MRPL52: variants seen among roughly 807,000 people sequenced by gnomAD.
The protein encoded by MRPL52 is mitochondrial ribosomal protein L52.
A neutral mutation model predicts 22.1 loss-of-function variants in MRPL52; 19 were observed. The observed-to-expected ratio is 0.86, with a 90% CI of 0.60 to 1.26. MRPL52 has a LOEUF of 1.26. Among genes scored for constraint, MRPL52 ranks in the 50% most tolerant of loss-of-function variants. The pLI, the probability that MRPL52 is intolerant of heterozygous loss-of-function variation, is 0.00. For missense variants in MRPL52, 152 were observed against 148.1 expected, an observed-to-expected ratio of 1.03 and a Z score of -0.14; for synonymous variants, 50 against 57.5, an observed-to-expected ratio of 0.87 and a Z score of 0.59.
rs1337231196 is a variant in MRPL52 at position 22,830,189 on chromosome 14, A to G, written c.89A>G (p.Gln30Arg). ...CAGATCTGTTTTTCTCCACACAGGCAGGGACTGGCTGCCAACCCCTCCGGC... is the reference window on the plus strand; with the variant it reads ...CAGATCTGTTTTTCTCCACACAGGCGGGGACTGGCTGCCAACCCCTCCGGC... ...AWAGGQWRLQ[Q>R]GLAANPSGYG... The change falls in exon 3 of 5, where the codon CAG becomes CGG. Residue 30 changes from glutamine to arginine, a missense_variant and splice_region_variant. Gln to Arg is a conservative substitution (Grantham distance 43). Transcript: ENST00000397496. The G allele has an allele frequency of 1.2e-6, 2 of 1,614,240 alleles. No individual in the cohort carries two copies. The highest frequency in any genetic ancestry group is 1.7e-6 in the Non-Finnish European group (2 of 1,180,026).
intron 3 of MRPL52, among the ~76,000 whole-genome samples, chr14:22,832,816 T>C (rs2039651451): frequency 6.6e-6 from 1 of 151,736 alleles, no homozygotes; most frequent in Non-Finnish European, 1.5e-5. Flanking sequence ...GAGGCGGAAG[T>C]TGCGGTGAGC....
chr14:22,830,301 A>G (rs746282828), intron 3 of MRPL52, 47 bp downstream of exon 3: 1 of 1,600,442 alleles, frequency 6.2e-7, no homozygotes, highest in East Asian at 2.2e-5. Flanking sequence ...ATTTTCACCT[A>G]GAGGGAACGC....
At chr14:22,830,858 C>A in intron 3 of MRPL52, 1 of 731,046 alleles carries the variant, frequency 1.4e-6, no homozygotes, top group Non-Finnish European at 2.2e-6. Context: ...GTGAATTGCA[C>A]ATGATCATAC....
intron 4 of MRPL52, 52 bp downstream of exon 4, chr14:22,833,534 C>T (rs763100966): frequency 1.5e-6 from 2 of 1,371,826 alleles, no homozygotes; most frequent in Admixed American, 3.4e-5. Flanking sequence ...ACATTTAAAT[C>T]ATAATTTGTC....
chr14:22,832,407 C>T (rs570158837), intron 3 of MRPL52, among the ~76,000 whole-genome samples: 27 of 152,168 alleles, frequency 1.8e-4, no homozygotes, highest in African/African-American at 5.1e-4. Context: ...GTGGTGCGAT[C>T]TTGGCTCACT....
Position 22,830,271 on chromosome 14 carries a change from C to T in MRPL52, c.154+17C>T, listed in dbSNP as rs1268264440. On this transcript the variant is annotated intron_variant, in intron 3 of 4. Coordinates refer to ENST00000397496, the MANE Select transcript of MRPL52 (RefSeq NM_180982.3). Reference sequence around the variant, plus strand: ...CATATGCGGGTAAGCGCTGATCTGGCAGTTAACTCCACTGGGGAGATTTTC... The same window carrying T: ...CATATGCGGGTAAGCGCTGATCTGGTAGTTAACTCCACTGGGGAGATTTTC... 3.1e-6 allele frequency: 5 copies of T among 1,614,060 alleles called. No individual in the cohort carries two copies. The Admixed American group carries it at 6.7e-5, about 22-fold the overall frequency.
rs1484907486 is a variant in MRPL52 at position 22,833,430 on chromosome 14, C to T, written c.167C>T (p.Ala56Val). ...PDWSYADGRP[A>V]PPMKGQLRRK... Reference sequence around the variant, plus strand: ...CTTCTACTTGTAGATGGCCGCCCTGCTCCCCCAATGAAAGGCCAGCTTCGA... The same window carrying T: ...CTTCTACTTGTAGATGGCCGCCCTGTTCCCCCAATGAAAGGCCAGCTTCGA... Residue 56 changes from alanine to valine, a missense_variant, in exon 4 of 5, where the codon GCT becomes GTT. Transcript: ENST00000397496. 6.2e-7 allele frequency: 1 copy of T among 1,613,336 alleles called. No individual in the cohort carries two copies. The highest frequency in any genetic ancestry group is 1.3e-5 in the African/African-American group (1 of 75,012).
intron 4 of MRPL52, 40 bp from the exon 5 acceptor site, chr14:22,834,132 G>T (rs753775794): frequency 6.2e-7 from 1 of 1,607,692 alleles, no homozygotes; most frequent in Admixed American, 1.7e-5. Context: ...TAGCGCTGAA[G>T]TCCCAGATGT....
At chr14:22,830,286 G>C in intron 3 of MRPL52, 32 bp downstream of exon 3, 1 of 1,613,302 alleles carries the variant, frequency 6.2e-7, no homozygotes, top group African/African-American at 1.3e-5. Flanking sequence ...AACTCCACTG[G>C]GGAGATTTTC....
Position 22,833,490 on chromosome 14 carries a change from G to A in MRPL52, c.219+8G>A. On this transcript the variant is annotated splice_region_variant and intron_variant, in intron 4 of 4. Coordinates refer to ENST00000397496, the MANE Select transcript of MRPL52 (RefSeq NM_180982.3). ...GAAAGGGAGACGTTTGCAGTGAGTG[G>A]TTAGAGCAACAGCCAGGGCTACCTG... is the stretch of plus-strand genomic sequence containing the variant. The A allele has an allele frequency of 6.2e-7, 1 of 1,608,860 alleles. No individual in the cohort carries two copies.
intron 3 of MRPL52, chr14:22,831,897 CT>C (rs1318445117): frequency 3.0e-4 from 46 of 152,280 alleles, no homozygotes; most frequent in African/African-American, 1.0e-3. Flanking sequence ...GTTCCAGATA[CT>C]CGGGAGGCTG....
At chr14:22,830,388 G>A (rs1349248673) in intron 3 of MRPL52, 134 bp downstream of exon 3, 2 of 870,606 alleles carry the variant, frequency 2.3e-6, no homozygotes, top group Non-Finnish European at 3.7e-6. Context: ...AACGGAATTT[G>A]GGGAAAGAAA....
At chr14:22,830,987 TA>T in intron 3 of MRPL52, 1 of 1,533,836 alleles carries the variant, frequency 6.5e-7, no homozygotes. Flanking sequence ...CTTAATTGGA[TA>T]ATTGGTGACT....
intron 3 of MRPL52, chr14:22,833,203 G>T: frequency 2.1e-6 from 1 of 473,924 alleles, no homozygotes; most frequent in Admixed American, 3.8e-5. Flanking sequence ...GAAATAAAAT[G>T]AAATAGAGTA....
Position 22,830,038 on chromosome 14 carries a change from CTG to C in MRPL52, c.29-13_29-12del. 1 of 1,614,040 alleles carries C rather than the reference CTG, an allele frequency of 6.2e-7. No homozygotes were observed. The highest frequency in any genetic ancestry group is 8.5e-7 in the Non-Finnish European group (1 of 1,179,928). ...GCGCGGCCTCTCCCCCAACTCTGCT[CTG>C]TTCTCCCAGCAGGTGTCCGGAGGCT... On this transcript the variant is annotated splice_polypyrimidine_tract_variant and intron_variant, in intron 1 of 4. Coordinates refer to ENST00000397496, the MANE Select transcript of MRPL52 (RefSeq NM_180982.3).
chr14:22,830,304 G>A, intron 3 of MRPL52, 50 bp downstream of exon 3: 1 of 1,599,640 alleles, frequency 6.3e-7, no homozygotes, highest in Admixed American at 1.7e-5. Flanking sequence ...TTCACCTAGA[G>A]GGAACGCCCC....
rs754758627 is a variant in MRPL52 at position 22,830,259 on chromosome 14, G to T, written c.154+5G>T. ...TCCCAGACTGGTCATATGCGGGTAA[G>T]CGCTGATCTGGCAGTTAACTCCACT... On this transcript the variant is annotated splice_donor_5th_base_variant and intron_variant, in intron 3 of 4. Transcript: ENST00000397496. 6.2e-7 allele frequency: 1 copy of T among 1,614,258 alleles called. No individual in the cohort carries two copies. Among genetic ancestry groups the T allele is most frequent in the Middle Eastern group, 1.7e-4 (1 of 6,060 alleles).
intron 4 of MRPL52, 133 bp downstream of exon 4, chr14:22,833,615 T>TTTTTTG (rs549364072): frequency 1.2e-4 from 79 of 667,038 alleles, no homozygotes; most frequent in Admixed American, 1.0e-3. Flanking sequence ...GCCAAAGGTT[T>TTTTTTG]TTTTTGTTTT....
At chr14:22,830,840 C>A in intron 3 of MRPL52, 1 of 644,686 alleles carries the variant, frequency 1.6e-6, no homozygotes, top group Non-Finnish European at 2.6e-6. Flanking sequence ...AATTTGAGGC[C>A]TACAGAAGTG....
Sources: gnomAD v4.1 joint callset for allele counts (sites outside exome capture counted in the v4.1 genomes callset) on GRCh38, gnomAD v4.1.1 for gene constraint, MANE v1.5 for transcripts, NCBI Gene and HGNC (gene_info 2026-07-23, HGNC 2026-07-21) for gene names.